The following TRABD2A variants were observed in gnomAD, a reference collection of about 807,000 sequenced individuals.
The protein encoded by TRABD2A is metalloprotease TIKI1.
In TRABD2A, 43 loss-of-function variants were observed where a neutral mutation model predicts 45.6. The observed-to-expected ratio is 0.94, with a 90% CI of 0.74 to 1.22. The LOEUF (loss-of-function observed/expected upper bound fraction) is 1.22, where lower values mean the gene tolerates loss of function less well. Among genes scored for constraint, TRABD2A ranks in the 50% most tolerant of loss-of-function variants. TRABD2A has a pLI of 0.00. For missense variants in TRABD2A, 642 were observed against 652.4 expected (o/e 0.98, Z 0.17); for synonymous variants, 269 against 265.0 (o/e 1.02, Z -0.15).
intron 1 of TRABD2A, 110 bp downstream of exon 1, chr2:84,880,822 C>G: frequency 2.7e-6 from 4 of 1,491,198 alleles, no homozygotes; most frequent in Non-Finnish European, 3.6e-6. Flanking sequence ...GAAAGCCCAG[C>G]CGCGGAAGTC....
intron 1 of TRABD2A, among the ~76,000 whole-genome samples, chr2:84,878,570 C>G (rs923161266): frequency 6.6e-6 from 1 of 151,118 alleles, no homozygotes; most frequent in African/African-American, 2.4e-5. Context: ...GGAAAGAACA[C>G]TAAGAGTTCT....
intron 1 of TRABD2A, among the ~76,000 whole-genome samples, chr2:84,877,500 G>A (rs1001378191): frequency 6.6e-6 from 1 of 152,204 alleles, no homozygotes; most frequent in African/African-American, 2.4e-5. Context: ...AAGACTTTGG[G>A]AAGCTGAGGC....
intron 5 of TRABD2A, among the ~76,000 whole-genome samples, chr2:84,831,752 C>T (rs973920908): frequency 2.6e-5 from 4 of 152,222 alleles, no homozygotes; most frequent in East Asian, 1.9e-4. Context: ...TCCTCCTTTC[C>T]CCTACCCCTC....
At chr2:84,856,573 T>A (rs2105395562) in intron 2 of TRABD2A, among the ~76,000 whole-genome samples, 1 of 152,198 alleles carries the variant, frequency 6.6e-6, no homozygotes, top group East Asian at 1.9e-4. Context: ...TGATCTTCAG[T>A]GACATTTTAA....
rs1681290800 is a variant in TRABD2A, at chr2:84,830,344, G to C, written c.1082+1711C>G. On this transcript the variant is annotated intron_variant, in intron 5 of 6. Coordinates refer to ENST00000409520, the MANE Select transcript of TRABD2A (RefSeq NM_001277053.2). The surrounding 1 kb of genome is among the most constrained non-coding windows in gnomAD (Gnocchi z 4.9). ...GGGGAAGTAGCGTCAGTAAAGGAGA[G>C]GCGGGGACGGGATGGAGGCTCTTCT... Among the ~76,000 whole-genome samples the C allele has an allele frequency of 6.6e-6, 1 of 152,304 alleles. No individual in the cohort carries two copies. The highest frequency in any genetic ancestry group is 1.9e-4 in the East Asian group (1 of 5,182).
chr2:84,856,630 G>A (rs1682316781), intron 2 of TRABD2A, among the ~76,000 whole-genome samples: 2 of 152,236 alleles, frequency 1.3e-5, no homozygotes, highest in South Asian at 4.1e-4. Flanking sequence ...CTGAACACCA[G>A]GAGGGCACAC....
intron 2 of TRABD2A, among the ~76,000 whole-genome samples, chr2:84,852,518 T>C (rs1019345043): frequency 6.6e-6 from 1 of 152,084 alleles, no homozygotes; most frequent in Admixed American, 6.5e-5. Flanking sequence ...GTGGCCAGAA[T>C]GACCATGAGG....
intron 5 of TRABD2A, among the ~76,000 whole-genome samples, chr2:84,831,039 C>T (rs946335418): frequency 1.3e-5 from 2 of 152,098 alleles, no homozygotes; most frequent in African/African-American, 4.8e-5. Context: ...GATGTGTGCC[C>T]CCCACATTCA....
At chr2:84,873,936 T>C (rs1459506187) in intron 1 of TRABD2A, among the ~76,000 whole-genome samples, 3 of 152,232 alleles carry the variant, frequency 2.0e-5, no homozygotes, top group Non-Finnish European at 4.4e-5. Flanking sequence ...AATGTTATTA[T>C]TAAACCCATG....
At chr2:84,868,741 ATTTTACTTCCAAGC>A (rs1258345637) in intron 2 of TRABD2A, among the ~76,000 whole-genome samples, 3 of 152,214 alleles carry the variant, frequency 2.0e-5, no homozygotes, top group Admixed American at 2.0e-4. Flanking sequence ...TTGAGCTAAT[ATTTTACTTCCAAGC>A]TTTTTTTCCC....
intron 2 of TRABD2A, among the ~76,000 whole-genome samples, chr2:84,854,315 A>G (rs1682200942): frequency 1.3e-5 from 2 of 152,126 alleles, no homozygotes; most frequent in Admixed American, 1.3e-4. Flanking sequence ...CTGAGGGACA[A>G]CTGTACAGGC....
chr2:84,873,426 GA>G (rs200401103), intron 1 of TRABD2A, among the ~76,000 whole-genome samples: 53 of 146,956 alleles, frequency 3.6e-4, no homozygotes, highest in Middle Eastern at 7.0e-3. Flanking sequence ...TCTCAAAAAA[GA>G]AAAAAAAAAA....
intron 5 of TRABD2A, among the ~76,000 whole-genome samples, chr2:84,826,132 T>C (rs1335804780): frequency 1.3e-5 from 2 of 152,194 alleles, no homozygotes; most frequent in African/African-American, 4.8e-5. Context: ...CAGGTCCTGG[T>C]ACATGGTAGG....
chr2:84,870,892 G>C, intron 1 of TRABD2A, 107 bp from the exon 2 acceptor site: 1 of 1,160,712 alleles, frequency 8.6e-7, no homozygotes, highest in South Asian at 1.6e-5. Context: ...AGATATCAAA[G>C]TAGAATTTAG....
intron 2 of TRABD2A, among the ~76,000 whole-genome samples, chr2:84,865,876 C>A (rs375954201): frequency 6.6e-6 from 1 of 152,244 alleles, no homozygotes; most frequent in Admixed American, 6.5e-5. Flanking sequence ...GAGCCCACTC[C>A]GCTGAGCCTC....
At chr2:84,868,310 A>G (rs945532903) in intron 2 of TRABD2A, among the ~76,000 whole-genome samples, 3 of 152,112 alleles carry the variant, frequency 2.0e-5, no homozygotes, top group Non-Finnish European at 2.9e-5. Context: ...GCTGGAAACC[A>G]TCATTCTCAG....
At chr2:84,848,979 T>C (rs2105388482) in intron 2 of TRABD2A, among the ~76,000 whole-genome samples, 2 of 152,220 alleles carry the variant, frequency 1.3e-5, no homozygotes. Context: ...GCCCGAGCTA[T>C]CCTAGCCATA....
At chr2:84,854,115 A>G (rs1228297797) in intron 2 of TRABD2A, among the ~76,000 whole-genome samples, 1 of 151,402 alleles carries the variant, frequency 6.6e-6, no homozygotes, top group Non-Finnish European at 1.5e-5. Context: ...AAAAACAAAA[A>G]TACAGTATAA....
At position 84,824,117 on chromosome 2, in the gene TRABD2A, T is replaced by C; in HGVS notation, c.1170A>G (p.Glu390=). ...KVPTLEVPAP[E]AVSSGHSTLP... ...GCGTTGAGTGCCCTGAGGATACGGC[T>C]TCTGGTGCCGGTACTTCCAGGGTAG... Residue 390 remains glutamate (E), a synonymous_variant, in exon 6 of 7, where the codon GAA becomes GAG. Coordinates refer to ENST00000409520, the MANE Select transcript of TRABD2A (RefSeq NM_001277053.2). 6.2e-7 allele frequency: 1 copy of C among 1,613,978 alleles called. No individual in the cohort carries two copies. Among genetic ancestry groups the C allele is most frequent in the Non-Finnish European group, 8.5e-7 (1 of 1,179,868 alleles).
Sources: gnomAD v4.1 joint callset for allele counts (sites outside exome capture counted in the v4.1 genomes callset) on GRCh38, gnomAD v4.1.1 for gene constraint, Gnocchi (gnomAD v3.1) non-coding constraint, MANE v1.5 for transcripts, NCBI Gene and HGNC (gene_info 2026-07-23, HGNC 2026-07-21) for gene names.